Variants in STEAP4 observed in about 807,000 individuals in gnomAD.
STEAP4 encodes STEAP4 metalloreductase, also known as metalloreductase STEAP4.
A neutral mutation model predicts 43.6 loss-of-function variants in STEAP4; 36 were observed. That is an observed-to-expected ratio of 0.83 (90% CI 0.63 to 1.09). STEAP4 has a LOEUF of 1.09. Among genes scored for constraint, STEAP4 ranks in the 50% least tolerant of loss-of-function variants. STEAP4 has a pLI of 0.00. For missense variants in STEAP4, 495 were observed against 546.5 expected (o/e 0.91, Z 0.94); for synonymous variants, 191 against 196.7 (o/e 0.97, Z 0.24).
At chr7:88,293,271 C>A (rs1194146444) in intron 1 of STEAP4, among the ~76,000 whole-genome samples, 2 of 151,942 alleles carry the variant, frequency 1.3e-5, no homozygotes, top group Non-Finnish European at 2.9e-5. Context: ...TGAGAAGTCT[C>A]TTCATGTATT....
chr7:88,306,673 G>C (rs1403500628), intron 1 of STEAP4, 119 bp downstream of exon 1: 1 of 152,666 alleles, frequency 6.6e-6, no homozygotes, highest in Non-Finnish European at 1.5e-5. Context: ...GCGCGGCGGG[G>C]AGTTTGCAAG....
At chr7:88,294,513 G>A (rs1178541114) in intron 1 of STEAP4, among the ~76,000 whole-genome samples, 1 of 152,032 alleles carries the variant, frequency 6.6e-6, no homozygotes, top group African/African-American at 2.4e-5. Context: ...TGGACTATAT[G>A]CATAGATCTC....
rs1182492546 is a variant in STEAP4, at chr7:88,279,309, ATTC to A, written c.*86_*88del. Reference sequence around the variant, plus strand: ...AAAAACTTTCCTAACTGTACCCATCATTCTTCTTTAAACATTCAAAACCATAGT... The same window carrying A: ...AAAAACTTTCCTAACTGTACCCATCATTCTTTAAACATTCAAAACCATAGT... On this transcript the variant is annotated 3_prime_UTR_variant, in exon 5 of 5. Transcript: ENST00000380079. 2 of 1,278,400 alleles carry A rather than the reference ATTC, an allele frequency of 1.6e-6. No individual in the cohort carries two copies. Among genetic ancestry groups the A allele is most frequent in the East Asian group, 2.3e-5 (1 of 42,678 alleles). The allele number at this position is 1,278,400 out of a possible 1,614,324, so 79.2% of individuals were successfully genotyped here.
In STEAP4 at chr7:88,279,196, C is replaced by G. The variant is rs1852566142; in HGVS notation, c.*202G>C. ...GTCAGGGACCTGCACTGATTCTTCA[C>G]TAACCTGAGATAAAATGGTGTTCTC... On this transcript the variant is annotated 3_prime_UTR_variant, in exon 5 of 5. Coordinates refer to ENST00000380079, the MANE Select transcript of STEAP4 (RefSeq NM_024636.4). The G allele has an allele frequency of 1.7e-6, 1 of 576,296 alleles. No homozygotes were observed. Among genetic ancestry groups the G allele is most frequent in the Non-Finnish European group, 3.1e-6 (1 of 324,906 alleles). 35.7% of individuals were successfully genotyped at this position (576,296 alleles called of 1,614,324 possible).
rs189673801 is a variant in STEAP4, at chr7:88,276,376, A to T, written c.*3022T>A. ...TACTGTGATTCAAAACCTTTTAGTA[A>T]CTTTATTTGGAATGCTGATGAGTTA... is the stretch of plus-strand genomic sequence containing the variant. On this transcript the variant is annotated 3_prime_UTR_variant, in exon 5 of 5. Transcript: ENST00000380079. 2 of 152,376 alleles carry T rather than the reference A, an allele frequency of 1.3e-5. No homozygotes were observed. Among genetic ancestry groups the T allele is most frequent in the Admixed American group, 1.3e-4 (2 of 15,302 alleles). The allele number at this position is 152,376 out of a possible 1,614,324, so 9.4% of individuals were successfully genotyped here. A position where few individuals can be genotyped will look rare whatever the true frequency, so the allele number is the denominator to read the frequency against.
chr7:88,288,709 G>GA (rs545713329), intron 1 of STEAP4, among the ~76,000 whole-genome samples: 84 of 151,978 alleles, frequency 5.5e-4, no homozygotes, highest in African/African-American at 2.0e-3. Flanking sequence ...AAATCAATGA[G>GA]AAAAAAACAA....
At chr7:88,305,580 A>G (rs766131411) in intron 1 of STEAP4, among the ~76,000 whole-genome samples, 2 of 152,230 alleles carry the variant, frequency 1.3e-5, no homozygotes, top group Non-Finnish European at 2.9e-5. Context: ...AGCTGAGAGT[A>G]TTCTCTGAAT....
chr7:88,272,398 C>G lies in STEAP4; in HGVS notation c.*7000G>C, dbSNP rs575578626. ...GCTCTGTCTACTTTACTACTCCATTCCCAGTATCTAATAATTTGATGATTT... is the reference window on the plus strand; with the variant it reads ...GCTCTGTCTACTTTACTACTCCATTGCCAGTATCTAATAATTTGATGATTT... On this transcript the variant is annotated 3_prime_UTR_variant, in exon 5 of 5. Transcript: ENST00000380079. 72 of 152,302 alleles carry G rather than the reference C, an allele frequency of 4.7e-4. No homozygotes were observed. Among genetic ancestry groups the G allele is most frequent in the African/African-American group, 1.7e-3 (71 of 41,560 alleles). 9.4% of individuals were successfully genotyped at this position (152,302 alleles called of 1,614,324 possible).
At chr7:88,301,733 G>A (rs998264976) in intron 1 of STEAP4, among the ~76,000 whole-genome samples, 8 of 152,096 alleles carry the variant, frequency 5.3e-5, no homozygotes, top group African/African-American at 1.4e-4. Flanking sequence ...GCACCACCAC[G>A]CCCAGCTAAT....
chr7:88,306,341 AGGAAATTTAAATCAAGATAAAAAAAT>A (rs1454231306), intron 1 of STEAP4, among the ~76,000 whole-genome samples: 1 of 152,266 alleles, frequency 6.6e-6, no homozygotes, highest in African/African-American at 2.4e-5. Flanking sequence ...AAATTGCAAG[AGGAAATTTAAATCAAGATAAAAAAAT>A]GGAAGTGGTT....
chr7:88,281,190 G>T, intron 3 of STEAP4, 111 bp from the exon 4 acceptor site: 1 of 768,064 alleles, frequency 1.3e-6, no homozygotes, highest in Non-Finnish European at 1.9e-6. Flanking sequence ...AAATTGTATG[G>T]CATTTCTTAA....
In STEAP4 at chr7:88,274,099, G is replaced by A. The variant is rs1369274806; in HGVS notation, c.*5299C>T. On this transcript the variant is annotated 3_prime_UTR_variant, in exon 5 of 5. Transcript: ENST00000380079. ...GTTGTGTTAAAAGGAGATGGGCCTGGAGTCAGACTGCCTAGATCCCAGCTC... is the reference window on the plus strand; with the variant it reads ...GTTGTGTTAAAAGGAGATGGGCCTGAAGTCAGACTGCCTAGATCCCAGCTC... 2.0e-5 allele frequency: 3 copies of A among 152,316 alleles called. No homozygotes were observed. The highest frequency in any genetic ancestry group is 1.3e-4 in the Admixed American group (2 of 15,302). The allele number at this position is 152,316 out of a possible 1,614,324, so 9.4% of individuals were successfully genotyped here. A position where few individuals can be genotyped will look rare whatever the true frequency, so the allele number is the denominator to read the frequency against.
At chr7:88,301,610 G>A (rs1038765787) in intron 1 of STEAP4, among the ~76,000 whole-genome samples, 2 of 150,146 alleles carry the variant, frequency 1.3e-5, no homozygotes, top group Non-Finnish European at 3.0e-5. Flanking sequence ...GACAGCTGGA[G>A]TGCGGTGGTG....
chr7:88,286,030 CAT>C (rs977031043), intron 1 of STEAP4, among the ~76,000 whole-genome samples: 1 of 152,070 alleles, frequency 6.6e-6, no homozygotes, highest in African/African-American at 2.4e-5. Flanking sequence ...ATTTTAATGT[CAT>C]AATCTCCAAG....
At chr7:88,283,684 C>G in intron 2 of STEAP4, 130 bp downstream of exon 2, 1 of 1,007,078 alleles carries the variant, frequency 9.9e-7, no homozygotes, top group South Asian at 1.7e-5. Context: ...AAATTATTCA[C>G]AGCACATATT....
At position 88,275,085 on chromosome 7, in the gene STEAP4, CTTAT is replaced by C. The variant is rs534386695; in HGVS notation, c.*4309_*4312del. On this transcript the variant is annotated 3_prime_UTR_variant, in exon 5 of 5. Transcript: ENST00000380079. ...GGAATGCAGCCCAGTAGGTCTCAGTCTTATTTATTTATTTATTTATTTTGAGACG... is the reference window on the plus strand; with the variant it reads ...GGAATGCAGCCCAGTAGGTCTCAGTCTTATTTATTTATTTATTTTGAGACG... 5.9e-5 allele frequency: 9 copies of C among 152,218 alleles called. No homozygotes were observed. The highest frequency in any genetic ancestry group is 1.7e-4 in the African/African-American group (7 of 41,446). The allele number at this position is 152,218 out of a possible 1,614,324, so 9.4% of individuals were successfully genotyped here. A position where few individuals can be genotyped will look rare whatever the true frequency, so the allele number is the denominator to read the frequency against.
chr7:88,293,242 C>A (rs902845344), intron 1 of STEAP4, among the ~76,000 whole-genome samples: 4 of 152,048 alleles, frequency 2.6e-5, no homozygotes, highest in African/African-American at 9.7e-5. Context: ...TTTATTTGCT[C>A]TCTGTGTGTC....
In STEAP4 at chr7:88,278,543, T is replaced by C. The variant is rs1270157139; in HGVS notation, c.*855A>G. On this transcript the variant is annotated 3_prime_UTR_variant, in exon 5 of 5. Transcript: ENST00000380079. The stretch of plus-strand genomic sequence containing the variant: ...TACCTAAATAATACTTAACCTAATA[T>C]AGTGCAATTTTACAATATTTATTTA... 1.3e-5 allele frequency: 2 copies of C among 152,250 alleles called. No individual in the cohort carries two copies. The highest frequency in any genetic ancestry group is 4.8e-5 in the African/African-American group (2 of 41,468). 9.4% of individuals were successfully genotyped at this position (152,250 alleles called of 1,614,324 possible).
chr7:88,286,968 G>C (rs1852747629), intron 1 of STEAP4, among the ~76,000 whole-genome samples: 2 of 152,042 alleles, frequency 1.3e-5, no homozygotes, highest in Non-Finnish European at 1.5e-5. Context: ...TACAGCTACA[G>C]ACACCTTGTA....
Sources: allele counts gnomAD v4.1 joint callset (sites outside exome capture counted in the v4.1 genomes callset), GRCh38; gene constraint gnomAD v4.1.1; transcripts MANE v1.5; gene names NCBI Gene and HGNC (gene_info 2026-07-23, HGNC 2026-07-21).